Variants in PSEN1 observed in about 807,000 individuals in gnomAD.
PSEN1 encodes the protein presenilin-1.
In PSEN1, 15 loss-of-function variants were observed where a neutral mutation model predicts 53.5. The observed-to-expected ratio is 0.28, with a 90% CI of 0.19 to 0.43. PSEN1 has a LOEUF of 0.43. PSEN1 is among the 20% of genes least tolerant of loss of function. PSEN1 has a pLI of 1.00. For missense variants in PSEN1, 387 were observed against 571.2 expected (o/e 0.68, Z 3.29); for synonymous variants, 208 against 209.8 (o/e 0.99, Z 0.08).
chr14:73,181,050 G>T (rs1457998225), intron 5 of PSEN1, among the ~76,000 whole-genome samples: 1 of 152,160 alleles, frequency 6.6e-6, no homozygotes, highest in African/African-American at 2.4e-5. Flanking sequence ...ATTAAAATTG[G>T]GGAAAGAAAG....
At chr14:73,137,807 G>A (rs192095144) in intron 1 of PSEN1, among the ~76,000 whole-genome samples, 11 of 152,314 alleles carry the variant, frequency 7.2e-5, no homozygotes, top group Non-Finnish European at 1.6e-4. Flanking sequence ...TGTGAGGCCC[G>A]GGGCGGTGGC....
chr14:73,142,743 C>T (rs989394780), intron 1 of PSEN1, among the ~76,000 whole-genome samples: 2 of 152,146 alleles, frequency 1.3e-5, no homozygotes, highest in African/African-American at 2.4e-5. Flanking sequence ...ATCTGAGCTT[C>T]GAGATTATTT....
At chr14:73,173,905 G>A in intron 5 of PSEN1, 198 bp downstream of exon 5, 1 of 694,186 alleles carries the variant, frequency 1.4e-6, no homozygotes, top group South Asian at 1.7e-5. Flanking sequence ...GTAATGCCAG[G>A]CTCAGAGGCT....
chr14:73,201,760 T>A (rs138205623), intron 8 of PSEN1, among the ~76,000 whole-genome samples: 155 of 152,290 alleles, frequency 1.0e-3, no homozygotes, highest in African/African-American at 2.9e-3. Flanking sequence ...TTATTTATTT[T>A]TTTTGAAACA....
At chr14:73,147,390 C>T (rs897143621) in intron 1 of PSEN1, 1 of 154,536 alleles carries the variant, frequency 6.5e-6, no homozygotes. Context: ...GTTATCTGTC[C>T]GTCCTGCCTT....
chr14:73,200,212 C>T (rs965368106), intron 8 of PSEN1, among the ~76,000 whole-genome samples: 7 of 152,106 alleles, frequency 4.6e-5, no homozygotes, highest in Non-Finnish European at 7.4e-5. Context: ...TTCTTAGTTA[C>T]AGATCTGAAT....
chr14:73,216,412 A>C (rs1899916038), intron 10 of PSEN1, among the ~76,000 whole-genome samples: 1 of 152,276 alleles, frequency 6.6e-6, no homozygotes, highest in African/African-American at 2.4e-5. Flanking sequence ...ACAATCATTG[A>C]ATCATGTCTT....
At position 73,173,821 on chromosome 14, in the gene PSEN1, T is replaced by A. The variant is rs185118828; in HGVS notation, c.480+114T>A. 26 of 1,290,686 alleles carry A rather than the reference T, an allele frequency of 2.0e-5. No individual in the cohort carries two copies. The East Asian group carries it at 5.8e-4, about 29-fold the overall frequency. 80.0% of individuals were successfully genotyped at this position (1,290,686 alleles called of 1,614,324 possible). A position where few individuals can be genotyped will look rare whatever the true frequency, so the allele number is the denominator to read the frequency against. The stretch of plus-strand genomic sequence containing the variant: ...GAAAAAATGTTTTGTCTTCTAGAGA[T>A]AAGTTAATTTTTAGTTTTCTTCCTC... On this transcript the variant is annotated intron_variant, in intron 5 of 11. Transcript: ENST00000324501.
In PSEN1 at chr14:73,197,636, G is replaced by A. The variant is rs3025784; in HGVS notation, c.770-395G>A. 7.0e-3 allele frequency: 1,378 copies of A among 198,150 alleles called. 17 individuals carry two copies. The highest frequency in any genetic ancestry group is 0.03 in the Admixed American group (541 of 18,288). 12.3% of individuals were successfully genotyped at this position (198,150 alleles called of 1,614,324 possible). On this transcript the variant is annotated intron_variant, in intron 7 of 11. Coordinates refer to ENST00000324501, the MANE Select transcript of PSEN1 (RefSeq NM_000021.4). ...TCTTTTTAATTTGTAGTTCATATCC[G>A]TGATTAGTTTAGAAGTGACTTCTCC...
intron 3 of PSEN1, among the ~76,000 whole-genome samples, chr14:73,155,577 C>T (rs1594975090): frequency 1.3e-5 from 2 of 152,178 alleles, no homozygotes; most frequent in South Asian, 4.2e-4. Flanking sequence ...GATCATAGCT[C>T]AGTGCAGCCT....
chr14:73,200,608 A>G (rs1899139712), intron 8 of PSEN1, among the ~76,000 whole-genome samples: 1 of 152,240 alleles, frequency 6.6e-6, no homozygotes, highest in African/African-American at 2.4e-5. Flanking sequence ...GAAAAAGGAT[A>G]AACATTACAG....
chr14:73,217,746 A>G (rs1158144746), intron 11 of PSEN1, among the ~76,000 whole-genome samples: 1 of 151,598 alleles, frequency 6.6e-6, no homozygotes, highest in Non-Finnish European at 1.5e-5. Flanking sequence ...CCCCACATAG[A>G]TCTTGCTGAT....
intron 9 of PSEN1, among the ~76,000 whole-genome samples, chr14:73,208,526 A>G (rs934920526): frequency 6.6e-6 from 1 of 151,578 alleles, no homozygotes; most frequent in Non-Finnish European, 1.5e-5. Flanking sequence ...CCTATCCACA[A>G]GCAGGTCATC....
intron 1 of PSEN1, among the ~76,000 whole-genome samples, chr14:73,145,545 G>T (rs1191352222): frequency 6.6e-6 from 1 of 151,108 alleles, no homozygotes; most frequent in African/African-American, 2.4e-5. Context: ...CACCATGTTG[G>T]CCAGGCTAGT....
At chr14:73,184,725 G>C (rs1357109507) in intron 5 of PSEN1, among the ~76,000 whole-genome samples, 100 of 150,422 alleles carry the variant, frequency 6.6e-4, no homozygotes, top group Non-Finnish European at 1.2e-3. Flanking sequence ...CGGATGGGGC[G>C]GCTGGCCTGG....
rs552092749 is a variant in PSEN1 at position 73,181,521 on chromosome 14, C to T, written c.481-5332C>T. On this transcript the variant is annotated intron_variant, in intron 5 of 11. Coordinates refer to ENST00000324501, the MANE Select transcript of PSEN1 (RefSeq NM_000021.4). ...GACCTGTAGACCCAGTTACTTGGGA[C>T]CCTGAGACGAGATGATTGCTTGAGC... is the stretch of plus-strand genomic sequence containing the variant. 2.6e-5 allele frequency among the ~76,000 whole-genome samples: 4 copies of T among 152,264 alleles called. No homozygotes were observed. The East Asian group carries it at 7.7e-4, about 29-fold the overall frequency.
chr14:73,166,365 T>C (rs1294070761), intron 3 of PSEN1, among the ~76,000 whole-genome samples: 1 of 152,234 alleles, frequency 6.6e-6, no homozygotes, highest in Admixed American at 6.5e-5. Flanking sequence ...AGACTTTAGT[T>C]TGATTCCTAC....
intron 4 of PSEN1, 128 bp downstream of exon 4, chr14:73,171,175 G>T: frequency 8.8e-7 from 1 of 1,138,600 alleles, no homozygotes; most frequent in Non-Finnish European, 1.3e-6. Context: ...CCTCTGTGAT[G>T]GTCAGGAGCA....
intron 11 of PSEN1, 66 bp downstream of exon 11, chr14:73,217,310 T>G: frequency 6.3e-7 from 1 of 1,586,126 alleles, no homozygotes; most frequent in Non-Finnish European, 8.7e-7. Context: ...CACAGTCCCT[T>G]TAAGGCAGTT....
Sources: allele counts gnomAD v4.1 joint callset (sites outside exome capture counted in the v4.1 genomes callset), GRCh38; gene constraint gnomAD v4.1.1; transcripts MANE v1.5; gene names NCBI Gene and HGNC (gene_info 2026-07-23, HGNC 2026-07-21).